SYNE2: variants seen among roughly 807,000 people sequenced by gnomAD.
SYNE2 encodes nesprin-2.
A neutral mutation model predicts 856.3 loss-of-function variants in SYNE2; 431 were observed. The observed-to-expected ratio is 0.50, with a 90% CI of 0.47 to 0.55. The LOEUF is 0.55. SYNE2 is among the 20% of genes least tolerant of loss of function. The pLI, the probability that SYNE2 is intolerant of heterozygous loss-of-function variation, is 0.00. For synonymous variants in SYNE2, 2,923 were observed against 2,872.3 expected, an observed-to-expected ratio of 1.02 and a Z score of -0.56; for missense variants, 8,129 against 8,023.2, an observed-to-expected ratio of 1.01 and a Z score of -0.50.
intron 1 of SYNE2, among the ~76,000 whole-genome samples, chr14:63,782,119 G>A (rs1398799672): frequency 6.8e-6 from 1 of 146,328 alleles, no homozygotes; most frequent in Non-Finnish European, 1.5e-5. Context: ...TTGTGCTACA[G>A]AGCAAGACCC....
chr14:64,216,011 A>G, intron 107 of SYNE2: 1 of 1,441,650 alleles, frequency 6.9e-7, no homozygotes, highest in Non-Finnish European at 9.1e-7. Flanking sequence ...AACGCCACTC[A>G]TCCCACAGCA....
rs117567094 is a variant in SYNE2 at position 63,978,927 on chromosome 14, G to A, written c.1482G>A (p.Leu494=). Residue 494 remains leucine, a synonymous_variant, in exon 14 of 116, where the codon TTG becomes TTA. Coordinates refer to ENST00000555002, the MANE Select transcript of SYNE2 (RefSeq NM_182914.3). ...ACTACAAGTGCTTAGTTCTTGGTTT[G>A]GTAGATGAAGTGAAATCAAAATTGG... ...FHYYKCLVLG[L]VDEVKSKLDI... The A allele has an allele frequency of 9.0e-3, 14,593 of 1,612,710 alleles. 95 individuals carry two copies. Among genetic ancestry groups the A allele is most frequent in the South Asian group, 0.014 (1,320 of 91,036 alleles).
intron 66 of SYNE2, among the ~76,000 whole-genome samples, chr14:64,113,950 A>G (rs996753757): frequency 1.3e-5 from 2 of 152,172 alleles, no homozygotes; most frequent in African/African-American, 4.8e-5. Context: ...GTGTCATAGG[A>G]TATAAAGTTA....
rs145736280 is a variant in SYNE2 at position 64,104,038 on chromosome 14, C to G, written c.12492+1996C>G. Reference sequence around the variant, plus strand: ...AGAAGCTTATCGTTTATATCCTATACTCAGCTCAGTATGGTACTTTAATGA... The same window carrying G: ...AGAAGCTTATCGTTTATATCCTATAGTCAGCTCAGTATGGTACTTTAATGA... On this transcript the variant is annotated intron_variant, in intron 64 of 115. Transcript: ENST00000555002. Among the ~76,000 whole-genome samples the G allele has an allele frequency of 2.0e-4, 30 of 152,346 alleles. No homozygotes were observed. The East Asian group carries it at 5.4e-3, about 27-fold the overall frequency.
In SYNE2 at chr14:63,967,813, G is replaced by A; in HGVS notation, c.1095G>A (p.Gln365=). The A allele has an allele frequency of 6.2e-7, 1 of 1,614,130 alleles. No individual in the cohort carries two copies. Among genetic ancestry groups the A allele is most frequent in the South Asian group, 1.1e-5 (1 of 91,078 alleles). The change falls in exon 11 of 116, where the codon CAG becomes CAA. Residue 365 remains glutamine, a synonymous_variant. Coordinates refer to ENST00000555002, the MANE Select transcript of SYNE2 (RefSeq NM_182914.3). ...DLDELDKDHL[Q]LREAWDGLDH... Reference sequence around the variant, plus strand: ...ATGAGCTGGACAAGGATCATTTACAGTTGAGAGAAGCCTGGGATGGCCTCG... The same window carrying A: ...ATGAGCTGGACAAGGATCATTTACAATTGAGAGAAGCCTGGGATGGCCTCG...
chr14:63,805,487 C>A (rs1238904688), intron 1 of SYNE2, among the ~76,000 whole-genome samples: 1 of 152,154 alleles, frequency 6.6e-6, no homozygotes, highest in South Asian at 2.1e-4. Context: ...CCCGGGTTCA[C>A]GCCATTCTCC....
At chr14:64,049,259 TATAGC>T (rs2097207292) in intron 46 of SYNE2, 1 of 155,246 alleles carries the variant, frequency 6.4e-6, no homozygotes, top group Non-Finnish European at 1.4e-5. Flanking sequence ...GCCTGGGCAA[TATAGC>T]AAGACTCTCG....
In SYNE2 at chr14:63,976,727, G is replaced by C; in HGVS notation, c.1293G>C (p.Lys431Asn). 6 of 1,611,842 alleles carry C rather than the reference G, an allele frequency of 3.7e-6. No homozygotes were observed. The highest frequency in any genetic ancestry group is 8.5e-7 in the Non-Finnish European group (1 of 1,179,268). The change falls in exon 12 of 116, where the codon AAG becomes AAC. Residue 431 changes from lysine (K) to asparagine (N), a missense_variant and splice_region_variant. This residue lies in a region of SYNE2 where 2,422 missense variants were observed against 2,357.4 expected (regional missense o/e 1.03). Transcript: ENST00000555002. ...TLIQEKMTLF[K>N]SLMDRFEHHS... is the part of the protein sequence containing the mutation. The stretch of plus-strand genomic sequence containing the variant: ...TACAAGAGAAAATGACTTTATTCAA[G>C]GTTGGAAAAGAAAAAAAAGAGATGT...
intron 1 of SYNE2, among the ~76,000 whole-genome samples, chr14:63,800,001 C>T (rs1048011412): frequency 6.6e-6 from 1 of 152,162 alleles, no homozygotes; most frequent in African/African-American, 2.4e-5. Flanking sequence ...GATCTAGACG[C>T]ATCCAAAGTC....
intron 78 of SYNE2, among the ~76,000 whole-genome samples, chr14:64,135,380 C>T (rs547679730): frequency 6.6e-6 from 1 of 152,128 alleles, no homozygotes; most frequent in South Asian, 2.1e-4. Flanking sequence ...TTTCCAGAGG[C>T]TGGGACACTG....
intron 8 of SYNE2, chr14:63,960,885 A>T: frequency 1.7e-6 from 1 of 603,260 alleles, no homozygotes; most frequent in Non-Finnish European, 3.0e-6. Context: ...TCTAAAAAAA[A>T]TAAAAAATAA....
chr14:63,890,411 T>A (rs2140919181), intron 1 of SYNE2, among the ~76,000 whole-genome samples: 1 of 152,252 alleles, frequency 6.6e-6, no homozygotes, highest in South Asian at 2.1e-4. Context: ...CCAGAGAATG[T>A]CTTTATGGCC....
chr14:64,045,322 T>A (rs1280023748), intron 45 of SYNE2, among the ~76,000 whole-genome samples: 1 of 151,956 alleles, frequency 6.6e-6, no homozygotes, highest in African/African-American at 2.4e-5. Context: ...AGGTACTGGA[T>A]CATCAGATAA....
At chr14:64,164,155 G>T (rs1332519513) in intron 89 of SYNE2, among the ~76,000 whole-genome samples, 6 of 151,122 alleles carry the variant, frequency 4.0e-5, no homozygotes, top group Admixed American at 4.0e-4. Context: ...TGTCGCCCAG[G>T]CTGGAGTACA....
intron 105 of SYNE2, among the ~76,000 whole-genome samples, chr14:64,213,235 A>G (rs1372519887): frequency 6.6e-6 from 1 of 152,224 alleles, no homozygotes; most frequent in African/African-American, 2.4e-5. Flanking sequence ...TCTGAGGCGC[A>G]TGCTCCACGA....
intron 45 of SYNE2, among the ~76,000 whole-genome samples, chr14:64,038,566 G>A (rs1025014491): frequency 1.3e-5 from 2 of 152,246 alleles, no homozygotes; most frequent in African/African-American, 4.8e-5. Context: ...AGCACCGAGT[G>A]AACTAGACTC....
rs1490651621 is a variant in SYNE2 at position 64,024,457 on chromosome 14, G to C, written c.5838G>C (p.Leu1946=). The C allele has an allele frequency of 6.2e-7, 1 of 1,613,574 alleles. No homozygotes were observed. The change falls in exon 39 of 116, where the codon CTG becomes CTC. Residue 1946 remains leucine (L), a splice_region_variant and synonymous_variant. Coordinates refer to ENST00000555002, the MANE Select transcript of SYNE2 (RefSeq NM_182914.3). ...KELEDSLQQL[L]RLQDDHRNLR... ...TTGAAGACTCCTTGCAGCAGCTACTGAGGTAGGAAATAAAGATGATATCTA... is the reference window on the plus strand; with the variant it reads ...TTGAAGACTCCTTGCAGCAGCTACTCAGGTAGGAAATAAAGATGATATCTA...
At chr14:63,761,906 C>G (rs1886498908) in exon 1 of SYNE2, 2 of 233,596 alleles carry the variant, frequency 8.6e-6, no homozygotes, top group African/African-American at 2.3e-5. Context: ...GCTGCAGGAC[C>G]GCCGTGACGA....
chr14:63,824,991 G>A lies in SYNE2; in HGVS notation c.-304-27510G>A, dbSNP rs111529206. 1.3e-3 allele frequency among the ~76,000 whole-genome samples: 189 copies of A among 151,098 alleles called. 2 individuals are homozygous for A. The highest frequency in any genetic ancestry group is 4.3e-3 in the African/African-American group (179 of 41,158). On this transcript the variant is annotated intron_variant, in intron 1 of 23. Transcript: ENST00000674003. Reference sequence around the variant, plus strand: ...TACTAAAAATACAAAAATTAGCTGGGCAGGAGGCTGAGGCAGGAGAATTGC... The same window carrying A: ...TACTAAAAATACAAAAATTAGCTGGACAGGAGGCTGAGGCAGGAGAATTGC...
Sources: allele counts gnomAD v4.1 joint callset (sites outside exome capture counted in the v4.1 genomes callset), GRCh38; gene constraint gnomAD v4.1.1; regional missense constraint gnomAD v4.1.1; transcripts MANE v1.5; gene names NCBI Gene and HGNC (gene_info 2026-07-23, HGNC 2026-07-21).